Variants in DPP7 observed in about 807,000 individuals in gnomAD.
DPP7 encodes the protein dipeptidyl peptidase 7, also known as dipeptidyl peptidase 2.
DPP7 carries 74 observed loss-of-function variants against 58.8 expected under a neutral mutation model. The observed-to-expected ratio is 1.26, with a 90% CI of 1.04 to 1.53. DPP7 has a LOEUF of 1.53. Among genes scored for constraint, DPP7 ranks in the 40% most tolerant of loss-of-function variants. DPP7 has a pLI of 0.00. For synonymous variants in DPP7, 350 were observed against 303.6 expected (o/e 1.15, Z -1.59); for missense variants, 807 against 692.3 (o/e 1.17, Z -1.86).
In DPP7 at chr9:137,113,902, C is replaced by T. The variant is rs780798520; in HGVS notation, c.448G>A (p.Gly150Arg). 4.2e-5 allele frequency: 66 copies of T among 1,569,944 alleles called. No individual in the cohort carries two copies. Among genetic ancestry groups the T allele is most frequent in the Non-Finnish European group, 5.4e-5 (63 of 1,164,046 alleles). The change falls in exon 4 of 13, where the codon GGG becomes AGG. Residue 150 changes from glycine (G) to arginine (R), a missense_variant. Physicochemically the swap from Gly to Arg is moderately radical, Grantham distance 125. Coordinates refer to ENST00000371579, the MANE Select transcript of DPP7 (RefSeq NM_013379.3). ...ELLRALRRDL[G>R]AQDAPAIAFG... ...GCGATGGCGGGGGCATCCTGGGCCC[C>T]GAGGTCGCGTCGTAGCGCGCGGAGC...
Position 137,111,764 on chromosome 9 carries a change from G to A in DPP7, c.1208-10C>T. On this transcript the variant is annotated splice_polypyrimidine_tract_variant and intron_variant, in intron 10 of 12. Transcript: ENST00000371579. ...CTGGCGGCTCTGAGATCTGCAAGGG[G>A]CAGAGAAAGTTGTGATGTGGGCCCC... 6.2e-7 allele frequency: 1 copy of A among 1,613,744 alleles called. No homozygotes were observed. Among genetic ancestry groups the A allele is most frequent in the Non-Finnish European group, 8.5e-7 (1 of 1,180,004 alleles).
In DPP7 at chr9:137,112,943, G is replaced by T; in HGVS notation, c.870+10C>A. On this transcript the variant is annotated intron_variant, in intron 7 of 12. Transcript: ENST00000371579. ...GGCCTCTCCCTGCGCCCTGGGAGGC[G>T]GCGCCTCACCTTGACGGGGTTGGCA... 1 of 1,612,876 alleles carries T rather than the reference G, an allele frequency of 6.2e-7. No individual in the cohort carries two copies.
rs369202485 is a variant in DPP7, at chr9:137,111,685, C to T, written c.1272+5G>A. 1.6e-5 allele frequency: 26 copies of T among 1,613,292 alleles called. No homozygotes were observed. The highest frequency in any genetic ancestry group is 8.3e-5 in the Admixed American group (5 of 60,014). On this transcript the variant is annotated splice_donor_5th_base_variant and intron_variant, in intron 11 of 12. Transcript: ENST00000371579. ...CGGGGTCATAGGGCCCAGGCCAGGACTCACCCCGCCCCCTGCCCAGGGGTC... is the reference window on the plus strand; with the variant it reads ...CGGGGTCATAGGGCCCAGGCCAGGATTCACCCCGCCCCCTGCCCAGGGGTC...
intron 4 of DPP7, 79 bp downstream of exon 4, chr9:137,113,785 AG>A: frequency 4.0e-6 from 4 of 1,005,526 alleles, no homozygotes; most frequent in Non-Finnish European, 4.8e-6. Context: ...TGGGAGTCAG[AG>A]GGGAGTGGGG....
chr9:137,113,622 CCAGGTGCGGGTGCAGCTCTCACTGGGA>C, intron 4 of DPP7, 126 bp from the exon 5 acceptor site: 2 of 1,433,870 alleles, frequency 1.4e-6, no homozygotes, highest in Non-Finnish European at 1.8e-6. Flanking sequence ...CAACCCTGGG[CCAGGTGCGGGTGCAGCTCTCACTGGGA>C]AAGGCCGCTA....
At chr9:137,113,622 C>T in intron 4 of DPP7, 126 bp from the exon 5 acceptor site, 2 of 1,433,870 alleles carry the variant, frequency 1.4e-6, no homozygotes, top group Middle Eastern at 2.4e-4. Flanking sequence ...CAACCCTGGG[C>T]CAGGTGCGGG....
chr9:137,112,350 G>A (rs1417146582), intron 8 of DPP7, 120 bp from the exon 9 acceptor site: 3 of 836,934 alleles, frequency 3.6e-6, no homozygotes, highest in Non-Finnish European at 5.4e-6. Flanking sequence ...GGATCTGTAG[G>A]TCCCAGTGAG....
upstream of DPP7, among the ~76,000 whole-genome samples, chr9:137,116,365 G>T (rs957113707): frequency 6.6e-6 from 1 of 152,242 alleles, no homozygotes; most frequent in South Asian, 2.1e-4. Flanking sequence ...GCCTGTGCTG[G>T]TAACCTGTAA....
At chr9:137,115,690 C>T (rs1831615122), upstream of DPP7, among the ~76,000 whole-genome samples, 1 of 152,104 alleles carries the variant, frequency 6.6e-6, no homozygotes, top group African/African-American at 2.4e-5. Context: ...CCCTCCCGTG[C>T]CTCACACAGA....
Position 137,113,605 on chromosome 9 carries a change from C to T in DPP7, c.486-109G>A, listed in dbSNP as rs746709851. The T allele has an allele frequency of 2.4e-5, 34 of 1,445,044 alleles. No homozygotes were observed. In the African/African-American group the frequency reaches 4.6e-4, roughly 19 times the overall value. 89.5% of individuals were successfully genotyped at this position (1,445,044 alleles called of 1,614,324 possible). On this transcript the variant is annotated intron_variant, in intron 4 of 12. Transcript: ENST00000371579. ...AGGAGGACGACACTTCTGAGACCCA[C>T]AAATTCCAACCCTGGGCCAGGTGCG... is the stretch of plus-strand genomic sequence containing the variant.
At chr9:137,117,895 T>C (rs115372168), upstream of DPP7, among the ~76,000 whole-genome samples, 661 of 152,210 alleles carry the variant, frequency 4.3e-3, 3 homozygotes, top group African/African-American at 0.015. Context: ...CATTAAACAA[T>C]GGACCCCAGC....
upstream of DPP7, among the ~76,000 whole-genome samples, chr9:137,116,018 C>T (rs1399531573): frequency 3.3e-5 from 5 of 152,200 alleles, no homozygotes; most frequent in African/African-American, 4.8e-5. Flanking sequence ...CACCCAGGAC[C>T]GCAGCTCTGG....
In DPP7 at chr9:137,113,493, A is replaced by G. The variant is rs1564324265; in HGVS notation, c.489T>C (p.Tyr163=). The change falls in exon 5 of 13, where the codon TAT becomes TAC. Residue 163 remains tyrosine, a synonymous_variant. Coordinates refer to ENST00000371579, the MANE Select transcript of DPP7 (RefSeq NM_013379.3). ...DAPAIAFGGS[Y]GGMLSAYLRM... ...TCAGGTAGGCACTGAGCATCCCCCCATAACTGGGTGAGGGACACAGGGTTA... is the reference window on the plus strand; with the variant it reads ...TCAGGTAGGCACTGAGCATCCCCCCGTAACTGGGTGAGGGACACAGGGTTA... 3 of 1,561,768 alleles carry G rather than the reference A, an allele frequency of 1.9e-6. No homozygotes were observed. Among genetic ancestry groups the G allele is most frequent in the Non-Finnish European group, 2.6e-6 (3 of 1,152,482 alleles).
In DPP7 at chr9:137,112,246, G is replaced by A. The variant is rs771574107; in HGVS notation, c.932-16C>T. 1.4e-5 allele frequency: 22 copies of A among 1,588,952 alleles called. No individual in the cohort carries two copies. The highest frequency in any genetic ancestry group is 1.8e-5 in the Non-Finnish European group (21 of 1,174,414). ...TAGACCAGCCCTGGGGAGGAGAGGC[G>A]CTGGGGCCCAGCGGCCACACACAGA... On this transcript the variant is annotated splice_polypyrimidine_tract_variant and intron_variant, in intron 8 of 12. Transcript: ENST00000371579.
chr9:137,117,725 G>A (rs377470099), upstream of DPP7, among the ~76,000 whole-genome samples: 4 of 152,202 alleles, frequency 2.6e-5, no homozygotes, highest in African/African-American at 7.2e-5. Context: ...ACTTGGGGCC[G>A]TGCTGGTCTG....
Position 137,114,652 on chromosome 9 carries a change from G to A in DPP7, c.62C>T (p.Ala21Val), listed in dbSNP as rs551973637. ...LLALGLRGLQ[A>V]GARRAPDPGF... is the part of the protein sequence containing the mutation. ...CGGGGGGCGCCGCCACTCACCCCCC[G>A]CCTGGAGGCCGCGCAGCCCGAGCGC... The change falls in exon 1 of 13, where the codon GCG becomes GTG. Residue 21 changes from alanine to valine, a missense_variant. By Grantham distance (64) the Ala-to-Val change is moderately conservative (BLOSUM62 0). Around this residue, in one of 3 missense-constraint regions of DPP7, gnomAD observed 168 missense variants for 124.1 expected, o/e 1.35. Transcript: ENST00000371579. 6.6e-5 allele frequency: 91 copies of A among 1,375,018 alleles called. No individual in the cohort carries two copies. In the South Asian group the frequency reaches 1.1e-3, roughly 16 times the overall value. 85.2% of individuals were successfully genotyped at this position (1,375,018 alleles called of 1,614,324 possible). A position where few individuals can be genotyped will look rare whatever the true frequency, so the allele number is the denominator to read the frequency against.
upstream of DPP7, among the ~76,000 whole-genome samples, chr9:137,116,077 C>G (rs1831629895): frequency 6.6e-6 from 1 of 152,326 alleles, no homozygotes; most frequent in South Asian, 2.1e-4. Flanking sequence ...CACACCAGAG[C>G]CTGGAGACGC....
chr9:137,112,439 C>T, intron 8 of DPP7: 1 of 626,532 alleles, frequency 1.6e-6, no homozygotes, highest in Non-Finnish European at 2.8e-6. Flanking sequence ...GAGGGCCCCC[C>T]CGCTCTCCAC....
rs771968258 is a variant in DPP7, at chr9:137,114,011, C to G, written c.339G>C (p.Ser113=). 7.8e-5 allele frequency: 118 copies of G among 1,512,228 alleles called. 3 individuals are homozygous for G. The South Asian group carries it at 1.2e-3, about 15-fold the overall frequency. The allele number at this position is 1,512,228 out of a possible 1,614,324, so 93.7% of individuals were successfully genotyped here. A position where few individuals can be genotyped will look rare whatever the true frequency, so the allele number is the denominator to read the frequency against. The part of the protein sequence containing the change: ...VFAEHRYYGK[S]LPFGAQSTQR... The stretch of plus-strand genomic sequence containing the variant: ...GCGTGGACTGCGCACCGAACGGCAG[C>G]GACTTCCCGTAGTAGCGCTGGGGGA... Residue 113 remains serine (S), a synonymous_variant, in exon 4 of 13, where the codon TCG becomes TCC. Transcript: ENST00000371579.
Sources: allele counts gnomAD v4.1 joint callset (sites outside exome capture counted in the v4.1 genomes callset), GRCh38; gene constraint gnomAD v4.1.1; regional missense constraint gnomAD v4.1.1; transcripts MANE v1.5; gene names NCBI Gene and HGNC (gene_info 2026-07-23, HGNC 2026-07-21).